The following GAL3ST2 variants were observed in gnomAD, a reference collection of about 807,000 sequenced individuals.
The protein encoded by GAL3ST2 is beta-galactose-3-O-sulfotransferase 2.
GAL3ST2 carries 16 observed loss-of-function variants against 12.9 expected under a neutral mutation model. The observed-to-expected ratio is 1.24, with a 90% confidence interval of 0.84 to 1.88. The LOEUF is 1.88. Among genes scored for constraint, GAL3ST2 ranks in the 40% most tolerant of loss-of-function variants. The pLI is 0.00. For synonymous variants in GAL3ST2, 302 were observed against 273.9 expected (o/e 1.10, Z -1.01); for missense variants, 639 against 571.8 (o/e 1.12, Z -1.20).
Position 241,803,329 on chromosome 2 carries a change from C to T in GAL3ST2, c.376-16C>T, listed in dbSNP as rs773127369. The T allele has an allele frequency of 6.4e-7, 1 of 1,574,610 alleles. No individual in the cohort carries two copies. Reference sequence around the variant, plus strand: ...TGGGCCCGCGGTCCGCAGCCCGCCTCTCTGTCGCCACACAGGTGCAGAAAG... The same window carrying T: ...TGGGCCCGCGGTCCGCAGCCCGCCTTTCTGTCGCCACACAGGTGCAGAAAG... On this transcript the variant is annotated splice_polypyrimidine_tract_variant and intron_variant, in intron 3 of 3. Coordinates refer to ENST00000192314, the MANE Select transcript of GAL3ST2 (RefSeq NM_022134.3).
At chr2:241,796,679 T>C (rs1319724668) in intron 1 of GAL3ST2, among the ~76,000 whole-genome samples, 2 of 152,208 alleles carry the variant, frequency 1.3e-5, no homozygotes, top group East Asian at 1.9e-4. Context: ...TCTGGTCTTG[T>C]CTGAAAGGGA....
chr2:241,787,642 A>T (rs956663892), intron 1 of GAL3ST2, among the ~76,000 whole-genome samples: 3 of 146,944 alleles, frequency 2.0e-5, no homozygotes, highest in Non-Finnish European at 4.4e-5. Context: ...ATGGAGTTTG[A>T]GCTCACTTCC....
chr2:241,785,827 A>C (rs563395641), intron 1 of GAL3ST2, among the ~76,000 whole-genome samples: 6 of 152,030 alleles, frequency 3.9e-5, no homozygotes, highest in African/African-American at 9.6e-5. Context: ...AAACCCAAAA[A>C]CATGAAGAAC....
chr2:241,800,993 C>T lies in GAL3ST2; in HGVS notation c.120-788C>T, dbSNP rs1187974153. ...TAAGTTCTGGGACACACGTGCAGAA[C>T]GTGCAGGTTTGTTACACAGGTATAC... On this transcript the variant is annotated intron_variant, in intron 2 of 3. Coordinates refer to ENST00000192314, the MANE Select transcript of GAL3ST2 (RefSeq NM_022134.3). The surrounding 1 kb of genome is among the most constrained non-coding windows in gnomAD (Gnocchi z 5.2). The T allele has an allele frequency of 2.0e-5, 3 of 152,120 alleles. No homozygotes were observed. Among genetic ancestry groups the T allele is most frequent in the Admixed American group, 6.6e-5 (1 of 15,262 alleles). The allele number at this position is 152,120 out of a possible 1,614,324, so 9.4% of individuals were successfully genotyped here.
chr2:241,787,339 T>A lies in GAL3ST2; in HGVS notation c.29+10355T>A, dbSNP rs956708931. On this transcript the variant is annotated intron_variant, in intron 1 of 3. Coordinates refer to ENST00000192314, the MANE Select transcript of GAL3ST2 (RefSeq NM_022134.3). ...AAATTAACTGAGACGTGTCTCAAATTTTTAGGTTCACATTTTGGTAACCAC... is the reference window on the plus strand; with the variant it reads ...AAATTAACTGAGACGTGTCTCAAATATTTAGGTTCACATTTTGGTAACCAC... Among the ~76,000 whole-genome samples, 3 of 152,160 alleles carry A rather than the reference T, an allele frequency of 2.0e-5. No homozygotes were observed. In the East Asian group the frequency reaches 5.8e-4, roughly 29 times the overall value.
intron 1 of GAL3ST2, among the ~76,000 whole-genome samples, chr2:241,790,110 A>G (rs1162611519): frequency 6.6e-6 from 1 of 152,158 alleles, no homozygotes; most frequent in East Asian, 1.9e-4. Context: ...ACTTTTTGTC[A>G]TCCACGGACA....
intron 1 of GAL3ST2, among the ~76,000 whole-genome samples, chr2:241,796,812 G>A (rs1699776847): frequency 6.6e-6 from 1 of 152,128 alleles, no homozygotes; most frequent in Non-Finnish European, 1.5e-5. Context: ...TGGCAGCCCT[G>A]AGCTGGCCCC....
rs148467617 is a variant in GAL3ST2, at chr2:241,782,372, C to T, written c.29+5388C>T. 2.2e-3 allele frequency among the ~76,000 whole-genome samples: 336 copies of T among 152,214 alleles called. 15 individuals are homozygous for T. In the East Asian group the frequency reaches 0.048, roughly 22 times the overall value. ...ATGGAGTCTCGCTCTGTTGCCCAGTCTGGAGTGCAGTGGTGCAATTTCAGC... is the reference window on the plus strand; with the variant it reads ...ATGGAGTCTCGCTCTGTTGCCCAGTTTGGAGTGCAGTGGTGCAATTTCAGC... On this transcript the variant is annotated intron_variant, in intron 1 of 3. Coordinates refer to ENST00000192314, the MANE Select transcript of GAL3ST2 (RefSeq NM_022134.3).
At chr2:241,798,623 G>A (rs1699803691) in intron 1 of GAL3ST2, among the ~76,000 whole-genome samples, 1 of 152,212 alleles carries the variant, frequency 6.6e-6, no homozygotes, top group African/African-American at 2.4e-5. Context: ...GGTTTGGCCT[G>A]TGGATTTTGG....
chr2:241,804,261 G>A lies in GAL3ST2; in HGVS notation c.*95G>A, dbSNP rs911112140. ...GGGATCCTTGCAGGGCTTCTGGGGC[G>A]TTGGGAAACCCAGGCCCGCCGGCCA... On this transcript the variant is annotated 3_prime_UTR_variant, in exon 4 of 4. Transcript: ENST00000192314. The A allele has an allele frequency of 3.5e-6, 4 of 1,127,660 alleles. No homozygotes were observed. The highest frequency in any genetic ancestry group is 4.7e-6 in the Non-Finnish European group (4 of 853,144). The allele number at this position is 1,127,660 out of a possible 1,614,324, so 69.9% of individuals were successfully genotyped here. A position where few individuals can be genotyped will look rare whatever the true frequency, so the allele number is the denominator to read the frequency against.
intron 1 of GAL3ST2, among the ~76,000 whole-genome samples, chr2:241,779,382 C>T (rs1002909029): frequency 1.3e-5 from 2 of 151,280 alleles, no homozygotes; most frequent in African/African-American, 2.4e-5. Flanking sequence ...TACAGGCGCC[C>T]GCCACCTCGC....
intron 1 of GAL3ST2, among the ~76,000 whole-genome samples, chr2:241,783,960 A>G (rs1699597474): frequency 6.6e-6 from 1 of 152,210 alleles, no homozygotes; most frequent in Admixed American, 6.5e-5. Flanking sequence ...GTCTAAAGCC[A>G]CAGGATTAGA....
In GAL3ST2 at chr2:241,803,954, A is replaced by G; in HGVS notation, c.985A>G (p.Lys329Glu). The change falls in exon 4 of 4, where the codon AAG becomes GAG. Residue 329 changes from lysine to glutamate, a missense_variant. Lys to Glu is a moderately conservative substitution (Grantham distance 56, BLOSUM62 1). Coordinates refer to ENST00000192314, the MANE Select transcript of GAL3ST2 (RefSeq NM_022134.3). The stretch of plus-strand genomic sequence containing the variant: ...GTGCCTGCAGGACGGCGGCGCGCTC[A>G]AGAACCACACGCAGATCAGAGACCC... ...SLCLQDGGAL[K>E]NHTQIRDPRL... The G allele has an allele frequency of 6.7e-7, 1 of 1,492,468 alleles. No individual in the cohort carries two copies. Among genetic ancestry groups the G allele is most frequent in the Non-Finnish European group, 8.9e-7 (1 of 1,124,378 alleles). The allele number at this position is 1,492,468 out of a possible 1,614,324, so 92.5% of individuals were successfully genotyped here.
intron 1 of GAL3ST2, among the ~76,000 whole-genome samples, chr2:241,797,992 G>T (rs1382694295): frequency 6.6e-6 from 1 of 152,172 alleles, no homozygotes; most frequent in Non-Finnish European, 1.5e-5. Flanking sequence ...AGACGCTACG[G>T]CCCACGTGGC....
At chr2:241,783,332 C>T (rs1443797212) in intron 1 of GAL3ST2, among the ~76,000 whole-genome samples, 5 of 151,990 alleles carry the variant, frequency 3.3e-5, no homozygotes, top group African/African-American at 1.2e-4. Flanking sequence ...CTGAACTTCC[C>T]TGCATCTTAA....
chr2:241,778,139 A>C (rs1699517744), intron 1 of GAL3ST2, among the ~76,000 whole-genome samples: 2 of 152,188 alleles, frequency 1.3e-5, no homozygotes, highest in East Asian at 3.9e-4. Flanking sequence ...GCCCCGAGTC[A>C]CTTCCCCACA....
rs1006727137 is a variant in GAL3ST2, at chr2:241,802,184, C to CGCCCTGCTGAGCCAA, written c.375+149_375+163dup. ...GCGGGTTGGGAGGGCCTGGGCCGCACGCCCTGCTGAGCCAACCCCTGCCCC... is the reference window on the plus strand; with the variant it reads ...GCGGGTTGGGAGGGCCTGGGCCGCACGCCCTGCTGAGCCAAGCCCTGCTGAGCCAACCCCTGCCCC... On this transcript the variant is annotated intron_variant, in intron 3 of 3. Coordinates refer to ENST00000192314, the MANE Select transcript of GAL3ST2 (RefSeq NM_022134.3). This position sits in a 1 kb window ranked among gnomAD's most constrained non-coding sequence, Gnocchi z 4.8. 61 of 1,074,036 alleles carry CGCCCTGCTGAGCCAA rather than the reference C, an allele frequency of 5.7e-5. No individual in the cohort carries two copies. The highest frequency in any genetic ancestry group is 3.0e-4 in the Middle Eastern group (1 of 3,294). The allele number at this position is 1,074,036 out of a possible 1,614,324, so 66.5% of individuals were successfully genotyped here.
chr2:241,789,031 C>T (rs1163258295), intron 1 of GAL3ST2, among the ~76,000 whole-genome samples: 2 of 152,182 alleles, frequency 1.3e-5, no homozygotes, highest in Admixed American at 1.3e-4. Flanking sequence ...CATCTACTTG[C>T]CAGAGTAAAA....
chr2:241,785,971 G>A (rs1022497819), intron 1 of GAL3ST2, among the ~76,000 whole-genome samples: 2 of 152,096 alleles, frequency 1.3e-5, no homozygotes, highest in Non-Finnish European at 2.9e-5. Context: ...TTTCACCTGC[G>A]ACAAATTGCT....
Sources: gnomAD v4.1 joint callset for allele counts (sites outside exome capture counted in the v4.1 genomes callset) on GRCh38, gnomAD v4.1.1 for gene constraint, Gnocchi (gnomAD v3.1) non-coding constraint, MANE v1.5 for transcripts, NCBI Gene and HGNC (gene_info 2026-07-23, HGNC 2026-07-21) for gene names.